Variants in CAMK2D observed in about 807,000 individuals in gnomAD.
The protein encoded by CAMK2D is calcium/calmodulin-dependent protein kinase type II subunit delta.
Under a neutral mutation model 84.0 loss-of-function variants are expected in CAMK2D, and 37 were observed. The ratio of observed to expected loss-of-function variants is 0.44; its 90% CI spans 0.34 to 0.58. CAMK2D has a LOEUF of 0.58. CAMK2D is among the 20% of genes least tolerant of loss of function. The pLI is 0.02. For synonymous variants in CAMK2D, 202 were observed against 212.5 expected (o/e 0.95, Z 0.43); for missense variants, 448 against 652.5 (o/e 0.69, Z 3.41).
chr4:113,464,333 C>G (rs886363568), intron 17 of CAMK2D, among the ~76,000 whole-genome samples: 1 of 152,152 alleles, frequency 6.6e-6, no homozygotes, highest in African/African-American at 2.4e-5. Flanking sequence ...ATCATATTCA[C>G]GCAATATAAA....
intron 7 of CAMK2D, among the ~76,000 whole-genome samples, chr4:113,531,823 G>A (rs1289647618): frequency 6.6e-6 from 1 of 151,994 alleles, no homozygotes; most frequent in African/African-American, 2.4e-5. Flanking sequence ...GAAGGGATGT[G>A]GTAAGAAAAA....
At chr4:113,557,778 T>A (rs1410850093) in intron 4 of CAMK2D, among the ~76,000 whole-genome samples, 1 of 151,964 alleles carries the variant, frequency 6.6e-6, no homozygotes, top group African/African-American at 2.4e-5. Context: ...TCCCCAAAAT[T>A]CCCCTGGGCA....
chr4:113,638,591 A>G (rs2099119279), intron 3 of CAMK2D, among the ~76,000 whole-genome samples: 1 of 152,146 alleles, frequency 6.6e-6, no homozygotes, highest in Non-Finnish European at 1.5e-5. Flanking sequence ...TAACCTTAGC[A>G]AAGCGGGGTT....
chr4:113,677,846 A>G (rs151162950), intron 2 of CAMK2D, among the ~76,000 whole-genome samples: 46 of 152,262 alleles, frequency 3.0e-4, no homozygotes, highest in Middle Eastern at 3.4e-3. Flanking sequence ...GTAGCAGAAT[A>G]CATATAAATC....
At chr4:113,674,075 T>G (rs1405482184) in intron 2 of CAMK2D, among the ~76,000 whole-genome samples, 1 of 152,194 alleles carries the variant, frequency 6.6e-6, no homozygotes, top group Non-Finnish European at 1.5e-5. Context: ...ATCACATACC[T>G]CTGCTTTCAC....
intron 2 of CAMK2D, among the ~76,000 whole-genome samples, chr4:113,699,067 T>C: frequency 6.6e-6 from 1 of 152,146 alleles, no homozygotes; most frequent in East Asian, 1.9e-4. Flanking sequence ...CTCAGTGGTA[T>C]TCCATCAACT....
chr4:113,659,931 G>A (rs547968659), intron 3 of CAMK2D, among the ~76,000 whole-genome samples: 2 of 152,126 alleles, frequency 1.3e-5, no homozygotes, highest in East Asian at 3.9e-4. Flanking sequence ...GAATGATATA[G>A]GTGAATTTGC....
chr4:113,668,156 C>T (rs899912030), intron 2 of CAMK2D, among the ~76,000 whole-genome samples: 4 of 152,146 alleles, frequency 2.6e-5, no homozygotes, highest in African/African-American at 9.7e-5. Context: ...AGAACCAAGC[C>T]TCTACTTCAT....
intron 4 of CAMK2D, among the ~76,000 whole-genome samples, chr4:113,556,844 G>A (rs931352354): frequency 2.2e-4 from 34 of 152,166 alleles, no homozygotes; most frequent in Admixed American, 3.9e-4. Flanking sequence ...CAGAGCACAT[G>A]ACCGATAATG....
chr4:113,457,306 A>G, intron 19 of CAMK2D, 29 bp downstream of exon 19: 1 of 1,612,240 alleles, frequency 6.2e-7, no homozygotes. Context: ...GTGTATTAAC[A>G]AAGAAGCTGA....
intron 17 of CAMK2D, among the ~76,000 whole-genome samples, chr4:113,464,973 ATAT>A (rs1457814285): frequency 1.3e-5 from 2 of 152,150 alleles, no homozygotes; most frequent in Non-Finnish European, 2.9e-5. Flanking sequence ...ATACATCTGT[ATAT>A]TTACAAAGAA....
At chr4:113,743,403 T>A (rs1166685509) in intron 2 of CAMK2D, among the ~76,000 whole-genome samples, 1 of 152,194 alleles carries the variant, frequency 6.6e-6, no homozygotes, top group Non-Finnish European at 1.5e-5. Flanking sequence ...TGGTGCTAGA[T>A]TCAAGGCCTG....
intron 4 of CAMK2D, among the ~76,000 whole-genome samples, chr4:113,557,191 C>T (rs973495236): frequency 4.6e-5 from 7 of 152,108 alleles, no homozygotes; most frequent in Non-Finnish European, 1.0e-4. Context: ...TCCTAATGGG[C>T]CCCATTTCCT....
At chr4:113,487,077 C>G (rs187271094) in intron 16 of CAMK2D, among the ~76,000 whole-genome samples, 1 of 152,200 alleles carries the variant, frequency 6.6e-6, no homozygotes, top group Non-Finnish European at 1.5e-5. Flanking sequence ...TATTTCTACA[C>G]AAGCTCTTTC....
At chr4:113,592,751 T>C (rs1376074952) in intron 4 of CAMK2D, among the ~76,000 whole-genome samples, 1 of 152,180 alleles carries the variant, frequency 6.6e-6, no homozygotes, top group Non-Finnish European at 1.5e-5. Context: ...AAATTTCTAG[T>C]CTTGATTTCT....
intron 16 of CAMK2D, among the ~76,000 whole-genome samples, chr4:113,468,636 A>G (rs1175381591): frequency 6.6e-6 from 1 of 152,046 alleles, no homozygotes; most frequent in Non-Finnish European, 1.5e-5. Context: ...CTCAATCAGC[A>G]GTGAGGTTGA....
chr4:113,675,190 T>C (rs1200871013), intron 2 of CAMK2D, among the ~76,000 whole-genome samples: 1 of 152,176 alleles, frequency 6.6e-6, no homozygotes, highest in Non-Finnish European at 1.5e-5. Context: ...TAAAACATGA[T>C]AGATTCTCAC....
At chr4:113,503,066 G>A in intron 14 of CAMK2D, 89 bp from the exon 15 acceptor site, 2 of 923,342 alleles carry the variant, frequency 2.2e-6, no homozygotes, top group Non-Finnish European at 3.6e-6. Flanking sequence ...TGAGCCAGCT[G>A]ACAAAATGAA....
chr4:113,547,785 A>G (rs1488690140), intron 5 of CAMK2D, 69 bp from the exon 6 acceptor site: 5 of 998,904 alleles, frequency 5.0e-6, no homozygotes, highest in Non-Finnish European at 5.8e-6. Flanking sequence ...ACCCTCAGAG[A>G]GACTGGGTTA....
Sources: gnomAD v4.1 joint callset for allele counts (sites outside exome capture counted in the v4.1 genomes callset) on GRCh38, gnomAD v4.1.1 for gene constraint, MANE v1.5 for transcripts, NCBI Gene and HGNC (gene_info 2026-07-23, HGNC 2026-07-21) for gene names.